Variants in RABL2B observed in about 807,000 individuals in gnomAD.
The protein encoded by RABL2B is rab-like protein 2B.
In RABL2B, 17 loss-of-function variants were observed where a neutral mutation model predicts 26.7. The observed-to-expected ratio is 0.64, with a 90% CI of 0.44 to 0.95. The LOEUF (loss-of-function observed/expected upper bound fraction) is 0.95, where lower values mean the gene tolerates loss of function less well. Ranked by LOEUF, RABL2B falls within the 40% of genes least tolerant of loss-of-function variation. RABL2B has a pLI of 0.00. For missense variants in RABL2B, 170 were observed against 277.2 expected, an observed-to-expected ratio of 0.61 and a Z score of 2.75; for synonymous variants, 70 against 103.9, an observed-to-expected ratio of 0.67 and a Z score of 1.99.
rs2147246384 is a variant in RABL2B at position 50,777,698 on chromosome 22, T to C, written c.137+254A>G. On this transcript the variant is annotated intron_variant, in intron 3 of 8. Transcript: ENST00000691320. ...AATCCAGGCATTAGATCCAAACCAT[T>C]TGCTGTTTGCCATTCTACTGCCCTC... 6.7e-6 allele frequency: 4 copies of C among 593,238 alleles called. No homozygotes were observed. In the South Asian group the frequency reaches 7.3e-5, roughly 11 times the overall value. The allele number at this position is 593,238 out of a possible 1,614,324, so 36.7% of individuals were successfully genotyped here. A position where few individuals can be genotyped will look rare whatever the true frequency, so the allele number is the denominator to read the frequency against.
chr22:50,775,184 A>G (rs2084786280), intron 5 of RABL2B, among the ~76,000 whole-genome samples: 1 of 152,218 alleles, frequency 6.6e-6, no homozygotes, highest in Non-Finnish European at 1.5e-5. Flanking sequence ...AGGAACTTCT[A>G]CAGGACACAG....
intron 6 of RABL2B, 51 bp from the exon 7 acceptor site, chr22:50,769,603 G>C (rs1555916754): frequency 6.2e-7 from 1 of 1,611,912 alleles, no homozygotes; most frequent in Non-Finnish European, 8.5e-7. Flanking sequence ...AAGGGAAGAA[G>C]GTTTGGAGGG....
chr22:50,776,596 C>G (rs1383909360), intron 4 of RABL2B, 74 bp downstream of exon 4: 1 of 1,549,090 alleles, frequency 6.5e-7, no homozygotes, highest in African/African-American at 1.4e-5. Context: ...TCCTTATGAA[C>G]CTTCCCTCAC....
intron 2 of RABL2B, among the ~76,000 whole-genome samples, chr22:50,780,138 G>C (rs1332330036): frequency 6.6e-6 from 1 of 151,968 alleles, no homozygotes; most frequent in African/African-American, 2.4e-5. Flanking sequence ...CAGTGCCCAG[G>C]TCTGAGGTCA....
At chr22:50,772,110 A>C (rs556504926) in intron 5 of RABL2B, 163 of 159,440 alleles carry the variant, frequency 1.0e-3, no homozygotes, top group African/African-American at 3.7e-3. Flanking sequence ...TCCTGGGTTC[A>C]AACGATTCTC....
rs2083595548 is a variant in RABL2B, at chr22:50,767,559, A to G, written c.*1217T>C. ...AAGGAAACAACAAAAACAAAACCCT[A>G]TTAATAAACACAATGCAAACAATGC... On this transcript the variant is annotated 3_prime_UTR_variant, in exon 9 of 9. Coordinates refer to ENST00000691320, the MANE Select transcript of RABL2B (RefSeq NM_001130919.3). 3.0e-6 allele frequency: 1 copy of G among 337,836 alleles called. No homozygotes were observed. The allele number at this position is 337,836 out of a possible 1,614,324, so 20.9% of individuals were successfully genotyped here.
intron 2 of RABL2B, among the ~76,000 whole-genome samples, chr22:50,781,260 C>A (rs190891338): frequency 6.7e-6 from 1 of 149,634 alleles, no homozygotes; most frequent in Admixed American, 6.7e-5. Flanking sequence ...AGGAGAATGG[C>A]GTGAACCCGG....
chr22:50,772,771 G>T (rs1302910861), intron 5 of RABL2B: 1 of 1,092,312 alleles, frequency 9.2e-7, no homozygotes, highest in African/African-American at 1.6e-5. Context: ...TAAACTTCTG[G>T]AATCTGCCTC....
Position 50,767,937 on chromosome 22 carries a change from C to G in RABL2B, c.*839G>C, listed in dbSNP as rs1288234848. ...ACGAAAATCTGGAATGAATAGCTAT[C>G]TGCTCAAAAACGATTGTTTAAAAAC... On this transcript the variant is annotated 3_prime_UTR_variant, in exon 9 of 9. Transcript: ENST00000691320. 2.7e-5 allele frequency: 9 copies of G among 334,762 alleles called. No homozygotes were observed. The highest frequency in any genetic ancestry group is 2.0e-4 in the African/African-American group (9 of 44,544). 20.7% of individuals were successfully genotyped at this position (334,762 alleles called of 1,614,324 possible).
At chr22:50,774,256 T>C (rs1222756272) in intron 5 of RABL2B, among the ~76,000 whole-genome samples, 6 of 152,064 alleles carry the variant, frequency 3.9e-5, no homozygotes, top group Admixed American at 1.3e-4. Flanking sequence ...CATGTGTTCT[T>C]TTAACCATAT....
intron 2 of RABL2B, among the ~76,000 whole-genome samples, chr22:50,781,949 C>T (rs1216128246): frequency 1.3e-5 from 2 of 150,164 alleles, no homozygotes; most frequent in African/African-American, 2.5e-5. Flanking sequence ...TTGCTCCACA[C>T]GTTCTCTCAG....
intron 2 of RABL2B, among the ~76,000 whole-genome samples, chr22:50,779,253 C>T (rs2081344249): frequency 6.6e-6 from 1 of 151,836 alleles, no homozygotes; most frequent in Admixed American, 6.6e-5. Context: ...TCCCAACATT[C>T]TGCAGCTTAG....
intron 5 of RABL2B, chr22:50,772,153 CTGA>C (rs1253155986): frequency 3.5e-4 from 66 of 187,206 alleles, no homozygotes; most frequent in African/African-American, 1.5e-3. Flanking sequence ...TCTCAGCCTC[CTGA>C]GTAGCTGGAT....
intron 5 of RABL2B, chr22:50,771,214 TTTA>T (rs1555918282): frequency 6.6e-6 from 1 of 151,352 alleles, no homozygotes; most frequent in Non-Finnish European, 1.5e-5. Flanking sequence ...GGCTAATTTT[TTTA>T]TTTTTAGTAG....
In RABL2B at chr22:50,774,586, A is replaced by T. The variant is rs1456555454; in HGVS notation, c.297+1186T>A. On this transcript the variant is annotated intron_variant, in intron 5 of 8. Coordinates refer to ENST00000691320, the MANE Select transcript of RABL2B (RefSeq NM_001130919.3). ...AGTCTTCTTAGCTGAGACTTCAGACATGGATTCCCGATCCATCAGAAAATG... is the reference window on the plus strand; with the variant it reads ...AGTCTTCTTAGCTGAGACTTCAGACTTGGATTCCCGATCCATCAGAAAATG... Among the ~76,000 whole-genome samples the T allele has an allele frequency of 1.3e-5, 2 of 149,256 alleles. 1 individual carries two copies. Among genetic ancestry groups the T allele is most frequent in the South Asian group, 4.2e-4 (2 of 4,716 alleles).
At chr22:50,781,400 A>AAGAGAGAGAGAGAGAGAGAGAG (rs3044691) in intron 2 of RABL2B, among the ~76,000 whole-genome samples, 67 of 141,806 alleles carry the variant, frequency 4.7e-4, no homozygotes, top group Admixed American at 8.6e-4. Flanking sequence ...TGTGGTGGGG[A>AAGAGAGAGAGAGAGAGAGAGAG]AGAGAGAGAG....
Position 50,783,328 on chromosome 22 carries a change from C to T in RABL2B, c.-54+173G>A, listed in dbSNP as rs557200006. The T allele has an allele frequency of 1.1e-4, 17 of 154,068 alleles. No individual in the cohort carries two copies. In the East Asian group the frequency reaches 2.9e-3, roughly 26 times the overall value. The allele number at this position is 154,068 out of a possible 1,614,324, so 9.5% of individuals were successfully genotyped here. On this transcript the variant is annotated intron_variant, in intron 1 of 8. Coordinates refer to ENST00000691320, the MANE Select transcript of RABL2B (RefSeq NM_001130919.3). ...TCTTTCGATAAATGTTTTTGGCCACCAACCATGTCCAGGCATCGCCAGGCT... is the reference window on the plus strand; with the variant it reads ...TCTTTCGATAAATGTTTTTGGCCACTAACCATGTCCAGGCATCGCCAGGCT...
At chr22:50,779,866 A>C (rs1268320338) in intron 2 of RABL2B, among the ~76,000 whole-genome samples, 1 of 152,132 alleles carries the variant, frequency 6.6e-6, no homozygotes. Context: ...CTGTAATCCC[A>C]GCTACTCAGG....
At chr22:50,771,511 C>A (rs555344227) in intron 5 of RABL2B, 1 of 152,248 alleles carries the variant, frequency 6.6e-6, no homozygotes, top group East Asian at 1.9e-4. Flanking sequence ...TCTTGACCTG[C>A]AGTGATCTGC....
Sources: allele counts gnomAD v4.1 joint callset (sites outside exome capture counted in the v4.1 genomes callset), GRCh38; gene constraint gnomAD v4.1.1; transcripts MANE v1.5; gene names NCBI Gene and HGNC (gene_info 2026-07-23, HGNC 2026-07-21).